The following GALNT8 variants were observed in gnomAD, a reference collection of about 807,000 sequenced individuals.
The protein encoded by GALNT8 is polypeptide N-acetylgalactosaminyltransferase 8.
GALNT8 carries 66 observed loss-of-function variants against 62.7 expected under a neutral mutation model. That is an observed-to-expected ratio of 1.05 (90% CI 0.86 to 1.29). GALNT8 has a LOEUF of 1.29. Ranked by LOEUF, GALNT8 falls within the 50% of genes most tolerant of loss-of-function variation. GALNT8 has a pLI of 0.00. For synonymous variants in GALNT8, 288 were observed against 294.3 expected, an observed-to-expected ratio of 0.98 and a Z score of 0.22; for missense variants, 771 against 791.8, an observed-to-expected ratio of 0.97 and a Z score of 0.32.
chr12:4,764,522 GTC>G (rs1432352689), intron 9 of GALNT8, among the ~76,000 whole-genome samples: 1 of 109,370 alleles, frequency 9.1e-6, no homozygotes, highest in Admixed American at 1.1e-4. Flanking sequence ...GGAAGGTGCA[GTC>G]AGGGGATTTT....
chr12:4,740,904 A>C (rs530447739), intron 3 of GALNT8, among the ~76,000 whole-genome samples: 4 of 152,338 alleles, frequency 2.6e-5, no homozygotes, highest in African/African-American at 9.6e-5. Context: ...CCTGGTTCTA[A>C]CCACTGTGTT....
intron 6 of GALNT8, among the ~76,000 whole-genome samples, chr12:4,755,724 T>C (rs1946341624): frequency 6.6e-6 from 1 of 152,216 alleles, no homozygotes; most frequent in African/African-American, 2.4e-5. Flanking sequence ...GAATTCAGGA[T>C]GCAAACCAAG....
At chr12:4,768,431 CATG>C (rs1364106332) in intron 10 of GALNT8, 1 of 351,094 alleles carries the variant, frequency 2.8e-6, no homozygotes, top group Non-Finnish European at 5.6e-6. Context: ...TTTTTCTTTT[CATG>C]ATAACAGCCT....
chr12:4,724,024 C>CT (rs34299033), intron 1 of GALNT8, among the ~76,000 whole-genome samples: 26,599 of 151,332 alleles, frequency 0.18, 2,503 homozygotes, highest in Middle Eastern at 0.21. Context: ...TGGCGGGCGC[C>CT]TGTAGTCCCA....
chr12:4,761,565 G>T (rs1186499833), intron 7 of GALNT8, among the ~76,000 whole-genome samples: 1 of 152,046 alleles, frequency 6.6e-6, no homozygotes, highest in Non-Finnish European at 1.5e-5. Flanking sequence ...GGTAGGAGAA[G>T]GCACTGTAAT....
intron 6 of GALNT8, 151 bp from the exon 7 acceptor site, chr12:4,760,807 A>C (rs1946367916): frequency 1.6e-6 from 1 of 631,746 alleles, no homozygotes; most frequent in Non-Finnish European, 2.8e-6. Context: ...GATTTAGATA[A>C]GAAAGTTAGA....
intron 1 of GALNT8, among the ~76,000 whole-genome samples, chr12:4,722,185 C>G (rs1391985871): frequency 6.6e-6 from 1 of 152,148 alleles, no homozygotes; most frequent in East Asian, 1.9e-4. Flanking sequence ...TCTGATCTCT[C>G]TTTCCTTTCC....
At chr12:4,739,540 AC>A (rs1186115305) in intron 3 of GALNT8, among the ~76,000 whole-genome samples, 3 of 152,186 alleles carry the variant, frequency 2.0e-5, no homozygotes, top group Admixed American at 6.5e-5. Flanking sequence ...GGATGAGGAA[AC>A]TGAGACACAA....
At chr12:4,764,118 G>T (rs528500098) in intron 9 of GALNT8, 71 bp downstream of exon 9, 16 of 858,070 alleles carry the variant, frequency 1.9e-5, no homozygotes, top group Non-Finnish European at 3.3e-5. Context: ...AACCATTGCT[G>T]GGTCTGGACT....
At chr12:4,743,010 A>C (rs1375164932) in intron 3 of GALNT8, among the ~76,000 whole-genome samples, 1 of 152,150 alleles carries the variant, frequency 6.6e-6, no homozygotes, top group Non-Finnish European at 1.5e-5. Context: ...CTTTTCTTGA[A>C]ATTTTTAATA....
intron 10 of GALNT8, 34 bp downstream of exon 10, chr12:4,765,580 GT>G: frequency 2.0e-6 from 3 of 1,470,666 alleles, no homozygotes; most frequent in East Asian, 2.3e-5. Context: ...TGGTTTGTTT[GT>G]TTTGTTTTGT....
intron 10 of GALNT8, among the ~76,000 whole-genome samples, chr12:4,769,048 C>G (rs1033238697): frequency 3.9e-5 from 6 of 152,156 alleles, no homozygotes; most frequent in African/African-American, 1.4e-4. Flanking sequence ...AAGAGAAGGG[C>G]TAGTCAGACA....
chr12:4,729,848 G>T (rs1946213370), intron 2 of GALNT8, among the ~76,000 whole-genome samples: 2 of 152,056 alleles, frequency 1.3e-5, no homozygotes, highest in African/African-American at 4.8e-5. Context: ...CCCACTAACT[G>T]TGCAATGGTT....
intron 7 of GALNT8, 59 bp downstream of exon 7, chr12:4,761,202 T>C: frequency 6.9e-7 from 1 of 1,451,128 alleles, no homozygotes; most frequent in Admixed American, 1.7e-5. Flanking sequence ...GTGGCGGTTA[T>C]GTAATGGGGA....
At chr12:4,766,372 G>A (rs1271922079) in intron 10 of GALNT8, among the ~76,000 whole-genome samples, 4 of 152,162 alleles carry the variant, frequency 2.6e-5, no homozygotes, top group Admixed American at 2.0e-4. Context: ...TTCTGTATGC[G>A]ACTTTTGGGA....
chr12:4,737,032 G>C (rs1441710632), intron 2 of GALNT8, among the ~76,000 whole-genome samples: 1 of 152,128 alleles, frequency 6.6e-6, no homozygotes, highest in Non-Finnish European at 1.5e-5. Flanking sequence ...ACATTATAAA[G>C]AGGTTCCAAA....
chr12:4,724,919 C>G (rs951462946), intron 1 of GALNT8, among the ~76,000 whole-genome samples: 7 of 152,212 alleles, frequency 4.6e-5, no homozygotes, highest in Non-Finnish European at 8.8e-5. Context: ...AAGCCATGTG[C>G]TGTGGCACGA....
chr12:4,757,927 C>T (rs545178188), intron 6 of GALNT8, among the ~76,000 whole-genome samples: 2 of 152,266 alleles, frequency 1.3e-5, no homozygotes, highest in South Asian at 4.1e-4. Flanking sequence ...GGTGAATTCC[C>T]CAATTCTTCA....
At chr12:4,733,607 T>A (rs769643620) in intron 2 of GALNT8, among the ~76,000 whole-genome samples, 2 of 152,222 alleles carry the variant, frequency 1.3e-5, no homozygotes, top group Non-Finnish European at 2.9e-5. Context: ...CACAATTAAA[T>A]ACAGATTTAT....
Sources: gnomAD v4.1 joint callset for allele counts (sites outside exome capture counted in the v4.1 genomes callset) on GRCh38, gnomAD v4.1.1 for gene constraint, MANE v1.5 for transcripts, NCBI Gene and HGNC (gene_info 2026-07-23, HGNC 2026-07-21) for gene names.